ADAM18: variants seen among roughly 807,000 people sequenced by gnomAD.
ADAM18 encodes the protein ADAM metallopeptidase domain 18.
Under a neutral mutation model 94.4 loss-of-function variants are expected in ADAM18, and 117 were observed. The ratio of observed to expected loss-of-function variants is 1.24; its 90% confidence interval spans 1.07 to 1.45. The LOEUF is 1.45. ADAM18 is among the 40% of genes most tolerant of loss of function. The pLI, the probability that ADAM18 is intolerant of heterozygous loss-of-function variation, is 0.00. For synonymous variants in ADAM18, 327 were observed against 291.6 expected, an observed-to-expected ratio of 1.12 and a Z score of -1.24; for missense variants, 936 against 880.0, an observed-to-expected ratio of 1.06 and a Z score of -0.81.
intron 17 of ADAM18, among the ~76,000 whole-genome samples, chr8:39,704,914 A>T (rs1243237623): frequency 6.6e-6 from 1 of 152,034 alleles, no homozygotes; most frequent in Non-Finnish European, 1.5e-5. Flanking sequence ...ATGTCCTTGT[A>T]CTTTCATTGG....
At chr8:39,631,953 A>C (rs2129579148) in intron 7 of ADAM18, among the ~76,000 whole-genome samples, 1 of 152,054 alleles carries the variant, frequency 6.6e-6, no homozygotes, top group South Asian at 2.1e-4. Flanking sequence ...TTAACATTTA[A>C]GTATTTTTGC....
At chr8:39,727,762 C>T (rs1000328397) in intron 19 of ADAM18, among the ~76,000 whole-genome samples, 3 of 152,144 alleles carry the variant, frequency 2.0e-5, no homozygotes, top group Non-Finnish European at 2.9e-5. Context: ...CTGAGCCCTC[C>T]GAACTCTCCC....
chr8:39,637,019 T>TTATATATA (rs35248371), intron 7 of ADAM18, among the ~76,000 whole-genome samples: 8 of 54,848 alleles, frequency 1.5e-4, no homozygotes, highest in Non-Finnish European at 2.0e-4. Flanking sequence ...TGTGTGTATT[T>TTATATATA]TATATATATA....
intron 10 of ADAM18, among the ~76,000 whole-genome samples, chr8:39,641,499 C>T (rs1368271910): frequency 2.0e-5 from 3 of 152,046 alleles, no homozygotes; most frequent in Non-Finnish European, 4.4e-5. Context: ...TACCCTCCAT[C>T]CTCTGATAGG....
intron 2 of ADAM18, among the ~76,000 whole-genome samples, chr8:39,598,710 G>A (rs959976925): frequency 2.7e-5 from 4 of 150,254 alleles, no homozygotes; most frequent in South Asian, 2.1e-4. Flanking sequence ...AGATGTTGCC[G>A]TGAGCTGTGA....
chr8:39,662,399 C>T (rs926042141), intron 12 of ADAM18, among the ~76,000 whole-genome samples: 2 of 151,964 alleles, frequency 1.3e-5, no homozygotes, highest in Admixed American at 6.6e-5. Flanking sequence ...TATAAGCATA[C>T]GTCCATTTAC....
At chr8:39,631,116 C>T (rs1489085275) in intron 7 of ADAM18, among the ~76,000 whole-genome samples, 1 of 151,842 alleles carries the variant, frequency 6.6e-6, no homozygotes, top group Admixed American at 6.6e-5. Flanking sequence ...AGGACTTTTT[C>T]AGATAGCTGT....
chr8:39,680,777 T>C (rs1027368064), intron 16 of ADAM18, among the ~76,000 whole-genome samples: 5 of 152,212 alleles, frequency 3.3e-5, no homozygotes, highest in African/African-American at 1.2e-4. Context: ...AATCTTGCAA[T>C]ATAAGGGCAC....
At chr8:39,605,525 A>G (rs1398213796) in intron 2 of ADAM18, among the ~76,000 whole-genome samples, 1 of 152,134 alleles carries the variant, frequency 6.6e-6, no homozygotes, top group Non-Finnish European at 1.5e-5. Flanking sequence ...ATATGTATGT[A>G]TATATTAAAA....
At chr8:39,662,469 C>T (rs1820867922) in intron 12 of ADAM18, among the ~76,000 whole-genome samples, 1 of 151,912 alleles carries the variant, frequency 6.6e-6, no homozygotes, top group Non-Finnish European at 1.5e-5. Flanking sequence ...AGAATCCTGC[C>T]TTTATATTAA....
At chr8:39,655,343 T>C (rs1017509449) in intron 12 of ADAM18, among the ~76,000 whole-genome samples, 2 of 152,138 alleles carry the variant, frequency 1.3e-5, no homozygotes, top group Non-Finnish European at 2.9e-5. Flanking sequence ...CACAAAATCT[T>C]CACTAAATGA....
chr8:39,713,166 C>A (rs955282919), intron 18 of ADAM18, among the ~76,000 whole-genome samples: 3 of 152,054 alleles, frequency 2.0e-5, no homozygotes, highest in African/African-American at 7.2e-5. Context: ...CTTTGACAAA[C>A]CTGACAAAAA....
intron 2 of ADAM18, among the ~76,000 whole-genome samples, chr8:39,600,102 G>T (rs980832851): frequency 5.3e-5 from 8 of 151,980 alleles, no homozygotes; most frequent in African/African-American, 1.9e-4. Context: ...GTTTTCATCT[G>T]TTCTTGGTTA....
At chr8:39,656,443 CTT>C (rs540249173) in intron 12 of ADAM18, among the ~76,000 whole-genome samples, 83 of 152,148 alleles carry the variant, frequency 5.5e-4, no homozygotes, top group South Asian at 6.2e-4. Context: ...AAGAAATAGT[CTT>C]TACCTATTTG....
At chr8:39,681,580 T>G (rs1821459947) in intron 16 of ADAM18, among the ~76,000 whole-genome samples, 1 of 152,190 alleles carries the variant, frequency 6.6e-6, no homozygotes, top group African/African-American at 2.4e-5. Flanking sequence ...CATATGGTGC[T>G]GCTGTAACAA....
chr8:39,649,353 A>G (rs991020502), intron 12 of ADAM18, among the ~76,000 whole-genome samples: 4 of 151,820 alleles, frequency 2.6e-5, no homozygotes, highest in African/African-American at 7.2e-5. Context: ...TGTATGTTGT[A>G]CATATATAGT....
At chr8:39,723,541 G>A (rs1822816830) in intron 18 of ADAM18, among the ~76,000 whole-genome samples, 2 of 151,426 alleles carry the variant, frequency 1.3e-5, no homozygotes, top group Non-Finnish European at 3.0e-5. Context: ...GTATACAGCA[G>A]GTTAATATTA....
chr8:39,612,019 A>C (rs1819289765), intron 6 of ADAM18, among the ~76,000 whole-genome samples: 1 of 152,244 alleles, frequency 6.6e-6, no homozygotes, highest in African/African-American at 2.4e-5. Flanking sequence ...TATACAAAAC[A>C]ACTAGAAAAC....
chr8:39,654,253 G>A (rs887121024), intron 12 of ADAM18, among the ~76,000 whole-genome samples: 1 of 149,534 alleles, frequency 6.7e-6, no homozygotes, highest in African/African-American at 2.5e-5. Context: ...CGCCTTCCAG[G>A]TTCACGCGAT....
Sources: allele counts gnomAD v4.1 joint callset (sites outside exome capture counted in the v4.1 genomes callset), GRCh38; gene constraint gnomAD v4.1.1; transcripts MANE v1.5; gene names NCBI Gene and HGNC (gene_info 2026-07-23, HGNC 2026-07-21).